Variants in TCF12 observed in about 807,000 individuals in gnomAD.
The protein encoded by TCF12 is DNA-binding protein HTF4.
Under a neutral mutation model 86.0 loss-of-function variants are expected in TCF12, and 45 were observed. The ratio of observed to expected loss-of-function variants is 0.52; its 90% CI spans 0.41 to 0.67. The LOEUF is 0.67. Among genes scored for constraint, TCF12 ranks in the 30% least tolerant of loss-of-function variants. The probability of loss-of-function intolerance (pLI) is 0.00; values close to 1 mark genes in which losing one functional copy is unlikely to be tolerated. For missense variants in TCF12, 881 were observed against 859.9 expected, an observed-to-expected ratio of 1.02 and a Z score of -0.31; for synonymous variants, 330 against 299.6, an observed-to-expected ratio of 1.10 and a Z score of -1.05.
intron 13 of TCF12, among the ~76,000 whole-genome samples, chr15:57,244,378 G>A (rs2059763768): frequency 6.6e-6 from 1 of 152,066 alleles, no homozygotes; most frequent in Non-Finnish European, 1.5e-5. Flanking sequence ...AAAATTCTTG[G>A]GAATGATGTG....
chr15:57,248,634 T>G (rs1483378855), intron 13 of TCF12, among the ~76,000 whole-genome samples: 1 of 152,244 alleles, frequency 6.6e-6, no homozygotes. Context: ...TTTTATTACC[T>G]GTCAGATTGC....
chr15:57,155,211 C>A (rs1200659089), intron 5 of TCF12, among the ~76,000 whole-genome samples: 1 of 151,926 alleles, frequency 6.6e-6, no homozygotes, highest in Non-Finnish European at 1.5e-5. Flanking sequence ...TTCATTTTTT[C>A]CTTCCATCCT....
chr15:57,100,377 T>C (rs2049644976), intron 5 of TCF12, among the ~76,000 whole-genome samples: 2 of 152,070 alleles, frequency 1.3e-5, no homozygotes, highest in African/African-American at 4.8e-5. Flanking sequence ...AGAGCAGCAT[T>C]AACAGATCTT....
At chr15:57,276,048 C>A (rs1339589781) in intron 19 of TCF12, among the ~76,000 whole-genome samples, 1 of 152,212 alleles carries the variant, frequency 6.6e-6, no homozygotes, top group African/African-American at 2.4e-5. Context: ...CAAGTTTGTA[C>A]TCTCAGCGTT....
chr15:56,985,820 G>C (rs1595972570), intron 3 of TCF12, among the ~76,000 whole-genome samples: 1 of 152,150 alleles, frequency 6.6e-6, no homozygotes, highest in African/African-American at 2.4e-5. Flanking sequence ...GAAGAACTCA[G>C]TGACTAAAAA....
At chr15:56,963,123 T>G (rs963121512) in intron 3 of TCF12, among the ~76,000 whole-genome samples, 2 of 151,750 alleles carry the variant, frequency 1.3e-5, no homozygotes, top group Non-Finnish European at 2.9e-5. Flanking sequence ...TTAAATACTC[T>G]TTATTCTAGC....
At chr15:57,225,839 C>T (rs1333185504) in intron 8 of TCF12, among the ~76,000 whole-genome samples, 1 of 144,384 alleles carries the variant, frequency 6.9e-6, no homozygotes, top group Non-Finnish European at 1.5e-5. Flanking sequence ...GTAGATTAAT[C>T]AATTTATTTA....
intron 5 of TCF12, among the ~76,000 whole-genome samples, chr15:57,128,736 C>T (rs1382569798): frequency 6.6e-6 from 1 of 152,136 alleles, no homozygotes. Flanking sequence ...GTCTTTCTCT[C>T]TGTATAGATT....
intron 6 of TCF12, among the ~76,000 whole-genome samples, chr15:57,187,115 G>A (rs934907134): frequency 2.2e-4 from 34 of 151,822 alleles, no homozygotes; most frequent in Non-Finnish European, 4.3e-4. Flanking sequence ...GGAGGTGGAC[G>A]TTGCAGTGAC....
chr15:57,088,917 G>A (rs1272056922), intron 4 of TCF12, among the ~76,000 whole-genome samples: 1 of 151,472 alleles, frequency 6.6e-6, no homozygotes, highest in African/African-American at 2.4e-5. Context: ...TGTGATAATC[G>A]TATTTAAATA....
At position 57,232,708 on chromosome 15, in the gene TCF12, C is replaced by G. The variant is rs1486074468; in HGVS notation, c.826-4C>G. ...TTTAATAGATCATATCTCTTTCCAT[C>G]TAGAGTTATCCTCCACACTCAGTTT... On this transcript the variant is annotated splice_polypyrimidine_tract_variant and splice_region_variant and intron_variant, in intron 10 of 20. Coordinates refer to ENST00000333725, the MANE Select transcript of TCF12 (RefSeq NM_207037.2). 3.1e-6 allele frequency: 5 copies of G among 1,609,950 alleles called. No homozygotes were observed. Among genetic ancestry groups the G allele is most frequent in the Non-Finnish European group, 4.2e-6 (5 of 1,178,314 alleles).
intron 5 of TCF12, among the ~76,000 whole-genome samples, chr15:57,104,330 G>C (rs1409053559): frequency 2.6e-5 from 4 of 151,644 alleles, no homozygotes; most frequent in Non-Finnish European, 4.4e-5. Flanking sequence ...ATTATTGGCA[G>C]ACTTTTCTTG....
chr15:57,026,831 C>T (rs2065853440), intron 3 of TCF12, among the ~76,000 whole-genome samples: 1 of 151,934 alleles, frequency 6.6e-6, no homozygotes, highest in South Asian at 2.1e-4. Context: ...TGCTGAAGGC[C>T]TTTATATAAA....
chr15:57,244,547 C>T (rs146924480), intron 13 of TCF12, among the ~76,000 whole-genome samples: 5 of 152,230 alleles, frequency 3.3e-5, no homozygotes, highest in African/African-American at 1.2e-4. Context: ...GCCACCTCCA[C>T]CTCCTGGGCT....
chr15:57,089,267 C>T (rs1473318862), intron 4 of TCF12, among the ~76,000 whole-genome samples: 1 of 152,110 alleles, frequency 6.6e-6, no homozygotes, highest in Non-Finnish European at 1.5e-5. Flanking sequence ...ATCCTTAAAT[C>T]AGAGAAATTG....
chr15:57,116,371 T>C (rs1205335156), intron 5 of TCF12, among the ~76,000 whole-genome samples: 2 of 152,150 alleles, frequency 1.3e-5, no homozygotes, highest in East Asian at 3.9e-4. Flanking sequence ...TATTTTATTT[T>C]TGAGACAGGT....
At chr15:57,083,336 T>G (rs1208656146) in intron 4 of TCF12, among the ~76,000 whole-genome samples, 1 of 152,142 alleles carries the variant, frequency 6.6e-6, no homozygotes, top group African/African-American at 2.4e-5. Flanking sequence ...ATGTTTGCAT[T>G]TCAGTGGAGA....
chr15:57,010,537 A>C (rs1370538604), intron 3 of TCF12, among the ~76,000 whole-genome samples: 1 of 152,248 alleles, frequency 6.6e-6, no homozygotes, highest in East Asian at 1.9e-4. Context: ...ACTTTCTTTC[A>C]CTGGAAGAGG....
intron 8 of TCF12, among the ~76,000 whole-genome samples, chr15:57,208,879 C>T (rs1366304791): frequency 3.3e-5 from 5 of 151,800 alleles, no homozygotes; most frequent in Non-Finnish European, 5.9e-5. Context: ...CTACACCTGG[C>T]TACATTTTCT....
Sources: allele counts gnomAD v4.1 joint callset (sites outside exome capture counted in the v4.1 genomes callset), GRCh38; gene constraint gnomAD v4.1.1; transcripts MANE v1.5; gene names NCBI Gene and HGNC (gene_info 2026-07-23, HGNC 2026-07-21).